ZDHHC2: variants seen among roughly 807,000 people sequenced by gnomAD.
ZDHHC2 encodes the protein zDHHC palmitoyltransferase 2, also known as palmitoyltransferase ZDHHC2.
Under a neutral mutation model 55.6 loss-of-function variants are expected in ZDHHC2, and 51 were observed. The ratio of observed to expected loss-of-function variants is 0.92; its 90% CI spans 0.73 to 1.16. ZDHHC2 has a LOEUF of 1.16. Ranked by LOEUF, ZDHHC2 falls within the 50% of genes most tolerant of loss-of-function variation. The pLI is 0.00. For synonymous variants in ZDHHC2, 199 were observed against 152.9 expected, an observed-to-expected ratio of 1.30 and a Z score of -2.22; for missense variants, 491 against 442.4, an observed-to-expected ratio of 1.11 and a Z score of -0.99.
chr8:17,210,246 C>T, intron 9 of ZDHHC2, 142 bp from the exon 10 acceptor site: 1 of 1,045,970 alleles, frequency 9.6e-7, no homozygotes, highest in Non-Finnish European at 1.4e-6. Context: ...TCTTCCTGAA[C>T]ACTATGTTGA....
chr8:17,192,982 GC>G (rs1309956962), intron 3 of ZDHHC2, among the ~76,000 whole-genome samples: 4 of 152,102 alleles, frequency 2.6e-5, no homozygotes, highest in African/African-American at 9.7e-5. Flanking sequence ...GTCTATGTAT[GC>G]CAGTACCATG....
intron 1 of ZDHHC2, among the ~76,000 whole-genome samples, chr8:17,180,273 G>A (rs1805362197): frequency 6.6e-6 from 1 of 152,102 alleles, no homozygotes; most frequent in Admixed American, 6.5e-5. Flanking sequence ...CAAGATCGAA[G>A]TTTTAACATC....
intron 3 of ZDHHC2, among the ~76,000 whole-genome samples, chr8:17,187,232 A>T (rs532134595): frequency 1.4e-4 from 21 of 152,336 alleles, no homozygotes; most frequent in African/African-American, 5.1e-4. Context: ...GATGGATCAA[A>T]TTTGCATGTT....
At chr8:17,215,009 C>A (rs1807577387) in intron 10 of ZDHHC2, among the ~76,000 whole-genome samples, 2 of 152,112 alleles carry the variant, frequency 1.3e-5, no homozygotes, top group South Asian at 4.2e-4. Context: ...TAGAGATTAT[C>A]ATCTTATGGT....
At chr8:17,204,247 T>G (rs1273974092) in intron 6 of ZDHHC2, among the ~76,000 whole-genome samples, 1 of 152,250 alleles carries the variant, frequency 6.6e-6, no homozygotes, top group African/African-American at 2.4e-5. Flanking sequence ...CATGGTTTCA[T>G]TTTTACAAAT....
At chr8:17,169,232 ATTTT>A (rs33912144) in intron 1 of ZDHHC2, among the ~76,000 whole-genome samples, 1 of 137,354 alleles carries the variant, frequency 7.3e-6, no homozygotes, top group African/African-American at 2.7e-5. Context: ...CACTGCAGCA[ATTTT>A]TTTTTTTTTT....
chr8:17,197,475 T>C, intron 4 of ZDHHC2, 107 bp from the exon 5 acceptor site: 1 of 969,996 alleles, frequency 1.0e-6, no homozygotes, highest in South Asian at 1.8e-5. Context: ...CATATTTAAA[T>C]TTCATATGCT....
At chr8:17,159,052 T>C (rs2150872355) in intron 1 of ZDHHC2, among the ~76,000 whole-genome samples, 1 of 152,334 alleles carries the variant, frequency 6.6e-6, no homozygotes, top group South Asian at 2.1e-4. Flanking sequence ...CATGGCAGTT[T>C]ATGAGTGGCA....
At chr8:17,193,240 G>C (rs933454543) in intron 3 of ZDHHC2, among the ~76,000 whole-genome samples, 3 of 152,206 alleles carry the variant, frequency 2.0e-5, no homozygotes, top group Admixed American at 2.0e-4. Flanking sequence ...ATCTGCATTA[G>C]GAGATACCCC....
At chr8:17,169,422 A>G (rs1353652688) in intron 1 of ZDHHC2, among the ~76,000 whole-genome samples, 1 of 152,178 alleles carries the variant, frequency 6.6e-6, no homozygotes, top group Non-Finnish European at 1.5e-5. Context: ...AGCTTACTGC[A>G]TATAGGCAGG....
At chr8:17,205,368 G>T (rs1807048131) in intron 6 of ZDHHC2, among the ~76,000 whole-genome samples, 1 of 152,196 alleles carries the variant, frequency 6.6e-6, no homozygotes. Flanking sequence ...TTTCTCGCAG[G>T]CTCTGTGCTT....
intron 7 of ZDHHC2, among the ~76,000 whole-genome samples, chr8:17,206,028 A>G (rs1299167059): frequency 1.3e-5 from 2 of 152,186 alleles, no homozygotes; most frequent in African/African-American, 4.8e-5. Context: ...CCCCATGCCC[A>G]TTCCCAGTTG....
chr8:17,194,337 AATATATAAAT>A lies in ZDHHC2; in HGVS notation c.253-1159_253-1150del, dbSNP rs551438215. Reference sequence around the variant, plus strand: ...TTTTTGTATATATACAAAATATATAAATATATAAATATATATATATACAAAATATATAAGA... The same window carrying A: ...TTTTTGTATATATACAAAATATATAAATATATATATACAAAATATATAAGA... On this transcript the variant is annotated intron_variant, in intron 3 of 12. Transcript: ENST00000262096. Among the ~76,000 whole-genome samples, 453 of 142,806 alleles carry A rather than the reference AATATATAAAT, an allele frequency of 3.2e-3. 2 individuals are homozygous for A. The highest frequency in any genetic ancestry group is 0.011 in the African/African-American group (413 of 37,196). The allele number at this position is 142,806 out of a possible 152,430, so 93.7% of individuals were successfully genotyped here.
chr8:17,196,668 C>T (rs1409405227), intron 4 of ZDHHC2, among the ~76,000 whole-genome samples: 1 of 151,362 alleles, frequency 6.6e-6, no homozygotes, highest in Non-Finnish European at 1.5e-5. Context: ...TTTGGGAGGC[C>T]GAGGCAGGTG....
chr8:17,188,303 C>A (rs1362948930), intron 3 of ZDHHC2, among the ~76,000 whole-genome samples: 3 of 152,044 alleles, frequency 2.0e-5, no homozygotes, highest in African/African-American at 7.2e-5. Context: ...TAACGCCTTC[C>A]CTCTACTGCT....
intron 12 of ZDHHC2, among the ~76,000 whole-genome samples, chr8:17,218,627 CAAAATT>C: frequency 6.6e-6 from 1 of 152,046 alleles, no homozygotes; most frequent in Non-Finnish European, 1.5e-5. Context: ...GGATAAGTGA[CAAAATT>C]AAAACATTGA....
At position 17,156,665 on chromosome 8, in the gene ZDHHC2, C is replaced by G. The variant is rs1268959968; in HGVS notation, c.-59C>G. The G allele has an allele frequency of 5.9e-6, 7 of 1,192,236 alleles. No homozygotes were observed. The highest frequency in any genetic ancestry group is 7.3e-6 in the Non-Finnish European group (7 of 964,556). 73.9% of individuals were successfully genotyped at this position (1,192,236 alleles called of 1,614,324 possible). ...CCAGGGGTGCCGGGCCCGCCCAGCCCGCCCCGGAGCCAGGCCCGCGGGCGG... is the reference window on the plus strand; with the variant it reads ...CCAGGGGTGCCGGGCCCGCCCAGCCGGCCCCGGAGCCAGGCCCGCGGGCGG... On this transcript the variant is annotated 5_prime_UTR_variant, in exon 1 of 13. Transcript: ENST00000262096.
At chr8:17,180,229 A>C (rs1220163357) in intron 1 of ZDHHC2, among the ~76,000 whole-genome samples, 1 of 152,190 alleles carries the variant, frequency 6.6e-6, no homozygotes, top group African/African-American at 2.4e-5. Flanking sequence ...AGATTCTTTC[A>C]CATTTAAGTT....
intron 3 of ZDHHC2, among the ~76,000 whole-genome samples, chr8:17,190,706 T>C (rs1805978695): frequency 6.6e-6 from 1 of 152,078 alleles, no homozygotes; most frequent in African/African-American, 2.4e-5. Flanking sequence ...AATTTCTTTG[T>C]AGTTAAAAAA....
Sources: gnomAD v4.1 joint callset for allele counts (sites outside exome capture counted in the v4.1 genomes callset) on GRCh38, gnomAD v4.1.1 for gene constraint, MANE v1.5 for transcripts, NCBI Gene and HGNC (gene_info 2026-07-23, HGNC 2026-07-21) for gene names.